CAMK1G: variants seen among roughly 807,000 people sequenced by gnomAD.
CAMK1G encodes the protein calcium/calmodulin-dependent protein kinase type 1G.
A neutral mutation model predicts 54.8 loss-of-function variants in CAMK1G; 27 were observed. The observed-to-expected ratio is 0.49, with a 90% confidence interval of 0.36 to 0.68. The LOEUF (loss-of-function observed/expected upper bound fraction) is 0.68. CAMK1G is among the 30% of genes least tolerant of loss of function. The pLI is 0.00. For missense variants in CAMK1G, 512 were observed against 591.0 expected, an observed-to-expected ratio of 0.87 and a Z score of 1.39; for synonymous variants, 238 against 224.9, an observed-to-expected ratio of 1.06 and a Z score of -0.52.
intron 1 of CAMK1G, among the ~76,000 whole-genome samples, chr1:209,590,176 G>GT (rs2102381283): frequency 1.3e-5 from 2 of 152,314 alleles, no homozygotes; most frequent in South Asian, 4.1e-4. Context: ...CTTAGAATTT[G>GT]TTTTCTTTTC....
intron 5 of CAMK1G, 122 bp from the exon 6 acceptor site, chr1:209,606,198 G>T: frequency 7.9e-7 from 1 of 1,271,402 alleles, no homozygotes; most frequent in Non-Finnish European, 1.1e-6. Context: ...AATGGGGGAG[G>T]ATGAGCTGGC....
intron 8 of CAMK1G, among the ~76,000 whole-genome samples, chr1:209,609,531 G>A (rs767428776): frequency 9.2e-5 from 14 of 152,338 alleles, no homozygotes; most frequent in South Asian, 6.2e-4. Context: ...ACTCACATGC[G>A]TGCCCATGTG....
chr1:209,595,142 C>A, intron 2 of CAMK1G, 67 bp downstream of exon 2: 1 of 1,117,124 alleles, frequency 9.0e-7, no homozygotes, highest in South Asian at 1.3e-5. Flanking sequence ...AAGAGTTGTT[C>A]TCTGCTGGCA....
At chr1:209,604,682 C>T (rs539171437) in intron 4 of CAMK1G, among the ~76,000 whole-genome samples, 8 of 152,118 alleles carry the variant, frequency 5.3e-5, no homozygotes, top group Non-Finnish European at 8.8e-5. Flanking sequence ...TCTGGGAATG[C>T]TTATCTCAGA....
intron 3 of CAMK1G, among the ~76,000 whole-genome samples, chr1:209,602,456 G>C (rs1049387393): frequency 2.0e-5 from 3 of 152,182 alleles, no homozygotes; most frequent in Admixed American, 2.0e-4. Context: ...GGTTATCCAT[G>C]AGGAGGCTCA....
intron 2 of CAMK1G, among the ~76,000 whole-genome samples, chr1:209,598,203 C>T (rs1025099668): frequency 2.0e-5 from 3 of 152,192 alleles, no homozygotes; most frequent in African/African-American, 7.2e-5. Context: ...CCCTGTATTC[C>T]CATTGGTTCC....
At chr1:209,612,577 G>A (rs115272288) in intron 11 of CAMK1G, among the ~76,000 whole-genome samples, 1,839 of 152,326 alleles carry the variant, frequency 0.012, 16 homozygotes, top group Non-Finnish European at 0.019. Flanking sequence ...CAGATTCCCC[G>A]AGTTTCCAGG....
At chr1:209,608,910 G>A (rs779846053) in intron 7 of CAMK1G, 70 bp from the exon 8 acceptor site, 3 of 1,595,414 alleles carry the variant, frequency 1.9e-6, no homozygotes, top group South Asian at 1.1e-5. Context: ...GGGAGCTTGG[G>A]GGAGCAGAGA....
chr1:209,593,336 C>A (rs1378932111), intron 1 of CAMK1G, among the ~76,000 whole-genome samples: 22 of 152,134 alleles, frequency 1.4e-4, no homozygotes, highest in Non-Finnish European at 2.9e-5. Flanking sequence ...GGTTATTGCC[C>A]AAGAGGGGCA....
chr1:209,602,597 G>A (rs1665557118), intron 3 of CAMK1G, among the ~76,000 whole-genome samples: 1 of 152,196 alleles, frequency 6.6e-6, no homozygotes, highest in Admixed American at 6.5e-5. Flanking sequence ...CTGACCTCAT[G>A]TGACAGGTCA....
rs1425424441 is a variant in CAMK1G, at chr1:209,613,150, C to T, written c.*148C>T. ...CAGGAGCAGTTTCTGGCCAGAAGCA[C>T]CAGCCTGCTGCCAGCGGGGCAGCCC... On this transcript the variant is annotated 3_prime_UTR_variant, in exon 13 of 13. Coordinates refer to ENST00000361322, the MANE Select transcript of CAMK1G (RefSeq NM_020439.3). 2.3e-5 allele frequency: 8 copies of T among 347,808 alleles called. No homozygotes were observed. Among genetic ancestry groups the T allele is most frequent in the East Asian group, 1.1e-4 (2 of 18,272 alleles). The allele number at this position is 347,808 out of a possible 1,614,324, so 21.5% of individuals were successfully genotyped here. A position where few individuals can be genotyped will look rare whatever the true frequency, so the allele number is the denominator to read the frequency against.
At position 209,605,573 on chromosome 1, in the gene CAMK1G, C is replaced by A. The variant is rs1314268242; in HGVS notation, c.334C>A (p.Arg112=). ...GGAGCTCTTTGACCGGATCCTGGAGCGGGGTGTCTACACAGAGAAGGATGC... is the reference window on the plus strand; with the variant it reads ...GGAGCTCTTTGACCGGATCCTGGAGAGGGGTGTCTACACAGAGAAGGATGC... The part of the protein sequence containing the change: ...GGELFDRILE[R]GVYTEKDASL... The change falls in exon 5 of 13, where the codon CGG becomes AGG. Residue 112 remains arginine (R), a synonymous_variant. Transcript: ENST00000361322. The A allele has an allele frequency of 6.8e-6, 11 of 1,613,950 alleles. No homozygotes were observed. Among genetic ancestry groups the A allele is most frequent in the Non-Finnish European group, 9.3e-6 (11 of 1,179,912 alleles).
At chr1:209,588,319 A>G (rs570856727) in intron 1 of CAMK1G, among the ~76,000 whole-genome samples, 17 of 152,190 alleles carry the variant, frequency 1.1e-4, no homozygotes, top group African/African-American at 3.9e-4. Context: ...ACACATTGTA[A>G]TGGATTGGAG....
chr1:209,608,968 G>T lies in CAMK1G; in HGVS notation c.636-12G>T. On this transcript the variant is annotated splice_polypyrimidine_tract_variant and intron_variant, in intron 7 of 12. Transcript: ENST00000361322. ...TTGTTCAGTAGTATGCCTCCTTCCT[G>T]TCCTGCTGCAGGCTCTGTGGATACC... The T allele has an allele frequency of 6.2e-7, 1 of 1,614,026 alleles. No homozygotes were observed. The highest frequency in any genetic ancestry group is 8.5e-7 in the Non-Finnish European group (1 of 1,179,936).
intron 1 of CAMK1G, among the ~76,000 whole-genome samples, chr1:209,584,942 T>A (rs1286092958): frequency 6.6e-6 from 1 of 152,210 alleles, no homozygotes; most frequent in Non-Finnish European, 1.5e-5. Flanking sequence ...TTATAATTAA[T>A]CATCTTTAGG....
chr1:209,588,111 T>C (rs917247381), intron 1 of CAMK1G, among the ~76,000 whole-genome samples: 1 of 152,324 alleles, frequency 6.6e-6, no homozygotes, highest in East Asian at 1.9e-4. Flanking sequence ...GAGTGATTCA[T>C]GCCTCCTTGC....
chr1:209,589,626 C>A (rs1665194831), intron 1 of CAMK1G, among the ~76,000 whole-genome samples: 1 of 152,198 alleles, frequency 6.6e-6, no homozygotes, highest in Non-Finnish European at 1.5e-5. Context: ...TGGGCTGGAC[C>A]TTTAGTGAGT....
intron 1 of CAMK1G, among the ~76,000 whole-genome samples, chr1:209,592,893 C>G (rs186667678): frequency 6.6e-6 from 1 of 152,112 alleles, no homozygotes; most frequent in Non-Finnish European, 1.5e-5. Flanking sequence ...TATTTTACCA[C>G]GAGTCCTCCA....
At chr1:209,593,021 T>C (rs564670301) in intron 1 of CAMK1G, among the ~76,000 whole-genome samples, 1 of 152,362 alleles carries the variant, frequency 6.6e-6, no homozygotes, top group East Asian at 1.9e-4. Flanking sequence ...AAGAAACAAC[T>C]GTTTATCATG....
Sources: gnomAD v4.1 joint callset for allele counts (sites outside exome capture counted in the v4.1 genomes callset) on GRCh38, gnomAD v4.1.1 for gene constraint, MANE v1.5 for transcripts, NCBI Gene and HGNC (gene_info 2026-07-23, HGNC 2026-07-21) for gene names.